USP19: variants seen among roughly 807,000 people sequenced by gnomAD.
USP19 encodes ubiquitin carboxyl-terminal hydrolase 19.
Under a neutral mutation model 144.8 loss-of-function variants are expected in USP19, and 40 were observed. That is an observed-to-expected ratio of 0.28 (90% CI 0.21 to 0.36). The LOEUF (loss-of-function observed/expected upper bound fraction) is 0.36, where lower values mean the gene tolerates loss of function less well. Among genes scored for constraint, USP19 ranks in the 10% least tolerant of loss-of-function variants. USP19 has a pLI of 1.00. For missense variants in USP19, 1,518 were observed against 1,822.5 expected, an observed-to-expected ratio of 0.83 and a Z score of 3.04; for synonymous variants, 701 against 709.3, an observed-to-expected ratio of 0.99 and a Z score of 0.19.
At position 49,111,272 on chromosome 3, in the gene USP19, T is replaced by C; in HGVS notation, c.3311A>G (p.Gln1104Arg). 6.2e-7 allele frequency: 1 copy of C among 1,614,118 alleles called. No individual in the cohort carries two copies. ...TCAGACACCTTTGTCCTCTAGCCGC[T>C]GCTCTCGGTTGGATGAATCAATTTT... ...IYKIDSSNRE[Q>R]RLEDKGDTPL... Residue 1104 changes from glutamine to arginine, a missense_variant, in exon 22 of 27, where the codon CAG (glutamine) becomes CGG (arginine). Physicochemically the swap from Gln to Arg is conservative, Grantham distance 43. Coordinates refer to ENST00000417901, the MANE Select transcript of USP19 (RefSeq NM_001199161.2). The surrounding 1 kb of genome is among the most constrained non-coding windows in gnomAD (Gnocchi z 5.9).
chr3:49,116,214 G>C lies in USP19; in HGVS notation c.1356-52C>G. The C allele has an allele frequency of 6.2e-7, 1 of 1,613,702 alleles. No individual in the cohort carries two copies. Among genetic ancestry groups the C allele is most frequent in the Non-Finnish European group, 8.5e-7 (1 of 1,179,812 alleles). ...CTTAGGAGGAATGAGCATCAGGATA[G>C]ATGAGCCAGGGAGATGGAGCCCACG... On this transcript the variant is annotated intron_variant, in intron 9 of 26. Coordinates refer to ENST00000417901, the MANE Select transcript of USP19 (RefSeq NM_001199161.2). The surrounding 1 kb of genome is among the most constrained non-coding windows in gnomAD (Gnocchi z 5.0).
At position 49,116,018 on chromosome 3, in the gene USP19, T is replaced by C. The variant is rs2044046585; in HGVS notation, c.1471+29A>G. 6.3e-7 allele frequency: 1 copy of C among 1,581,330 alleles called. No individual in the cohort carries two copies. Among genetic ancestry groups the C allele is most frequent in the Non-Finnish European group, 8.6e-7 (1 of 1,167,744 alleles). On this transcript the variant is annotated intron_variant, in intron 10 of 26. Coordinates refer to ENST00000417901, the MANE Select transcript of USP19 (RefSeq NM_001199161.2). The surrounding 1 kb of genome is among the most constrained non-coding windows in gnomAD (Gnocchi z 5.0). The stretch of plus-strand genomic sequence containing the variant: ...GGTTTGGGTCCTGGTCACGTGGAAC[T>C]GGGCAATGAAGGGAGCTCGTGTGCA...
chr3:49,119,617 C>T (rs368255564), intron 1 of USP19, among the ~76,000 whole-genome samples: 4 of 152,210 alleles, frequency 2.6e-5, no homozygotes, highest in African/African-American at 7.2e-5. Context: ...GCTGGCACTC[C>T]GAGCAGGGTG....
chr3:49,116,252 C>T lies in USP19; in HGVS notation c.1355+28G>A, dbSNP rs755577110. On this transcript the variant is annotated intron_variant, in intron 9 of 26. Coordinates refer to ENST00000417901, the MANE Select transcript of USP19 (RefSeq NM_001199161.2). This position sits in a 1 kb window ranked among gnomAD's most constrained non-coding sequence, Gnocchi z 5.0. ...GATGGAGCCCACGGGGTAGGACAGG[C>T]ACAGTGGTGGGGCCGGGCACCACCC... 12 of 1,613,570 alleles carry T rather than the reference C, an allele frequency of 7.4e-6. No individual in the cohort carries two copies. In the South Asian group the frequency reaches 1.3e-4, roughly 18 times the overall value.
rs781237727 is a variant in USP19 at position 49,114,141 on chromosome 3, G to C, written c.2403+33C>G. ...TGAGGGAGGTGGGCCACGTTCTCTA[G>C]AACAGCCCAGAGGGTAGGGGCTTAC... On this transcript the variant is annotated intron_variant, in intron 16 of 26. Coordinates refer to ENST00000417901, the MANE Select transcript of USP19 (RefSeq NM_001199161.2). This position sits in a 1 kb window ranked among gnomAD's most constrained non-coding sequence, Gnocchi z 4.5. The C allele has an allele frequency of 5.3e-5, 85 of 1,613,990 alleles. No individual in the cohort carries two copies. Among genetic ancestry groups the C allele is most frequent in the Admixed American group, 1.5e-4 (9 of 60,004 alleles).
chr3:49,119,765 A>G (rs756751312), intron 1 of USP19, among the ~76,000 whole-genome samples: 21 of 152,184 alleles, frequency 1.4e-4, no homozygotes, highest in Non-Finnish European at 4.4e-5. Flanking sequence ...AGGTTCTACC[A>G]TTGCCCAGAA....
At chr3:49,118,556 C>T (rs552311043) in intron 2 of USP19, among the ~76,000 whole-genome samples, 1 of 149,322 alleles carries the variant, frequency 6.7e-6, no homozygotes, top group South Asian at 2.1e-4. Flanking sequence ...ACACTCTAGC[C>T]TGGATGACAG....
At chr3:49,119,934 G>A (rs2044892751) in intron 1 of USP19, among the ~76,000 whole-genome samples, 1 of 152,178 alleles carries the variant, frequency 6.6e-6, no homozygotes, top group African/African-American at 2.4e-5. Context: ...GTATCTAGAT[G>A]TCACGCTACC....
rs371699702 is a variant in USP19, at chr3:49,116,006, G to A, written c.1471+41C>T. 538 of 1,574,636 alleles carry A rather than the reference G, an allele frequency of 3.4e-4. 1 individual carries two copies. Among genetic ancestry groups the A allele is most frequent in the Non-Finnish European group, 4.4e-4 (514 of 1,163,746 alleles). On this transcript the variant is annotated intron_variant, in intron 10 of 26. Coordinates refer to ENST00000417901, the MANE Select transcript of USP19 (RefSeq NM_001199161.2). The surrounding 1 kb of genome is among the most constrained non-coding windows in gnomAD (Gnocchi z 5.0). ...GCATGTGACAGGGGTTTGGGTCCTGGTCACGTGGAACTGGGCAATGAAGGG... is the reference window on the plus strand; with the variant it reads ...GCATGTGACAGGGGTTTGGGTCCTGATCACGTGGAACTGGGCAATGAAGGG...
chr3:49,118,266 T>TAA (rs541189590), intron 2 of USP19, 146 bp from the exon 3 acceptor site: 200 of 216,988 alleles, frequency 9.2e-4, no homozygotes, highest in South Asian at 2.8e-3. Flanking sequence ...ACCCTGCCTT[T>TAA]AAAAAAAAAA....
chr3:49,116,110 C>T lies in USP19; in HGVS notation c.1408G>A (p.Asp470Asn), dbSNP rs560596369. ...CTCTGCCTCTTACGAAGGCAGATGT[C>T]GATGCGAGAAGCCGTGAAACAGAAG... is the stretch of plus-strand genomic sequence containing the variant. ...CTFCFTASRI[D>N]ICLRKRQSQR... The change falls in exon 10 of 27, where the codon GAC (aspartate) becomes AAC (asparagine). Residue 470 changes from aspartate to asparagine, a missense_variant. By Grantham distance (23) the Asp-to-Asn change is conservative. Around this residue, in one of 5 missense-constraint regions of USP19, gnomAD observed 707 missense variants for 728.9 expected, o/e 0.97. Transcript: ENST00000417901. This position sits in a 1 kb window ranked among gnomAD's most constrained non-coding sequence, Gnocchi z 5.0. The T allele has an allele frequency of 6.8e-5, 110 of 1,613,160 alleles. No individual in the cohort carries two copies. Among genetic ancestry groups the T allele is most frequent in the South Asian group, 6.6e-4 (60 of 91,018 alleles).
chr3:49,119,298 A>C lies in USP19; in HGVS notation c.-136-17T>G. The C allele has an allele frequency of 8.5e-6, 9 of 1,059,886 alleles. No individual in the cohort carries two copies. The highest frequency in any genetic ancestry group is 6.4e-4 in the Middle Eastern group (2 of 3,136). 65.7% of individuals were successfully genotyped at this position (1,059,886 alleles called of 1,614,324 possible). A position where few individuals can be genotyped will look rare whatever the true frequency, so the allele number is the denominator to read the frequency against. On this transcript the variant is annotated splice_polypyrimidine_tract_variant and intron_variant, in intron 1 of 26. Transcript: ENST00000417901. ...ACGGACAGCCTAATGGAAAGAAGCC[A>C]GTGATCACTGCCAAGACCCAACAAC...
Position 49,108,679 on chromosome 3 carries a change from C to CTGAATAG in USP19, c.4039-158_4039-152dup. On this transcript the variant is annotated intron_variant, in intron 26 of 26. Coordinates refer to ENST00000417901, the MANE Select transcript of USP19 (RefSeq NM_001199161.2). The surrounding 1 kb of genome is among the most constrained non-coding windows in gnomAD (Gnocchi z 4.8). ...TTGAGACAGAGAGACGAGATTGGGC[C>CTGAATAG]TGAATAGTCTGGTTTTATTAACACT... is the stretch of plus-strand genomic sequence containing the variant. The CTGAATAG allele has an allele frequency of 7.6e-7, 1 of 1,309,034 alleles. No individual in the cohort carries two copies. The highest frequency in any genetic ancestry group is 9.7e-7 in the Non-Finnish European group (1 of 1,030,312). The allele number at this position is 1,309,034 out of a possible 1,614,324, so 81.1% of individuals were successfully genotyped here.
Position 49,114,635 on chromosome 3 carries a change from C to T in USP19, c.2292+128G>A. ...CTTCAGCCCAAATAGAATCCTAAGG[C>T]CTCCCTGCCAGCTTCTTTGCCCAAA... On this transcript the variant is annotated intron_variant, in intron 15 of 26. Transcript: ENST00000417901. The surrounding 1 kb of genome is among the most constrained non-coding windows in gnomAD (Gnocchi z 4.5). The T allele has an allele frequency of 1.0e-6, 1 of 984,740 alleles. No homozygotes were observed. The highest frequency in any genetic ancestry group is 1.5e-6 in the Non-Finnish European group (1 of 658,088). The allele number at this position is 984,740 out of a possible 1,614,324, so 61.0% of individuals were successfully genotyped here.
Position 49,112,632 on chromosome 3 carries a change from G to T in USP19, c.2506-3C>A. 1 of 1,611,898 alleles carries T rather than the reference G, an allele frequency of 6.2e-7. No individual in the cohort carries two copies. Among genetic ancestry groups the T allele is most frequent in the South Asian group, 1.1e-5 (1 of 90,746 alleles). ...CGATGAAAACGATTCTTAATTACCT[G>T]GGGACAGAGAACACACAGATCCCAC... On this transcript the variant is annotated splice_polypyrimidine_tract_variant and splice_region_variant and intron_variant, in intron 17 of 26. Transcript: ENST00000417901. The surrounding 1 kb of genome is among the most constrained non-coding windows in gnomAD (Gnocchi z 4.9).
In USP19 at chr3:49,110,880, T is replaced by C. The variant is rs1013418977; in HGVS notation, c.3546-17A>G. ...GGGCAGTACCTGGTGGGGACAGAGA[T>C]TGGGTCAGGACCAGCAAGTCTCTCT... On this transcript the variant is annotated splice_polypyrimidine_tract_variant and intron_variant, in intron 23 of 26. Coordinates refer to ENST00000417901, the MANE Select transcript of USP19 (RefSeq NM_001199161.2). The surrounding 1 kb of genome is among the most constrained non-coding windows in gnomAD (Gnocchi z 6.1). The C allele has an allele frequency of 1.2e-6, 2 of 1,614,086 alleles. No individual in the cohort carries two copies. The highest frequency in any genetic ancestry group is 1.7e-6 in the Non-Finnish European group (2 of 1,179,982).
At chr3:49,120,694 G>A (rs979188224) in intron 1 of USP19, 62 bp downstream of exon 1, 1 of 185,278 alleles carries the variant, frequency 5.4e-6, no homozygotes, top group African/African-American at 2.4e-5. Flanking sequence ...AGGCCGCCGC[G>A]GCCGCGCGTT....
Position 49,115,739 on chromosome 3 carries a change from C to G in USP19, c.1677G>C (p.Glu559Asp). 1 of 1,611,190 alleles carries G rather than the reference C, an allele frequency of 6.2e-7. No individual in the cohort carries two copies. The highest frequency in any genetic ancestry group is 8.5e-7 in the Non-Finnish European group (1 of 1,177,884). The change falls in exon 11 of 27, where the codon GAG (glutamate) becomes GAC (aspartate). Residue 559 changes from glutamate (E) to aspartate (D), a missense_variant. Physicochemically the swap from Glu to Asp is conservative, Grantham distance 45. This residue lies in a region of USP19 where 707 missense variants were observed against 728.9 expected (regional missense o/e 0.97). Transcript: ENST00000417901. This position sits in a 1 kb window ranked among gnomAD's most constrained non-coding sequence, Gnocchi z 6.6. ...GAATTCTCACCGAGGCCAGGTGTGT[C>G]TCTGGCTTTGGGGTTACATGCTCCA... ...TPMEHVTPKP[E>D]THLASPKPTC...
chr3:49,112,417 C>T lies in USP19; in HGVS notation c.2647-15G>A. On this transcript the variant is annotated splice_polypyrimidine_tract_variant and intron_variant, in intron 18 of 26. Transcript: ENST00000417901. The surrounding 1 kb of genome is among the most constrained non-coding windows in gnomAD (Gnocchi z 4.9). ...ACCTGGGGGCGCTAGGGTGGGTCGT[C>T]TGGCTCAGCAAGACCAGGAAGAAGT... is the stretch of plus-strand genomic sequence containing the variant. 6.2e-7 allele frequency: 1 copy of T among 1,613,988 alleles called. No homozygotes were observed. Among genetic ancestry groups the T allele is most frequent in the Non-Finnish European group, 8.5e-7 (1 of 1,179,950 alleles).
Sources: allele counts gnomAD v4.1 joint callset (sites outside exome capture counted in the v4.1 genomes callset), GRCh38; gene constraint gnomAD v4.1.1; regional missense constraint gnomAD v4.1.1; non-coding constraint Gnocchi (gnomAD v3.1); transcripts MANE v1.5; gene names NCBI Gene and HGNC (gene_info 2026-07-23, HGNC 2026-07-21).